Variants in SAG observed in about 807,000 individuals in gnomAD.
SAG encodes the protein S-antigen visual arrestin, also known as S-arrestin.
A neutral mutation model predicts 55.0 loss-of-function variants in SAG; 45 were observed. The observed-to-expected ratio is 0.82, with a 90% CI of 0.64 to 1.05. The LOEUF is 1.05. SAG is among the 50% of genes least tolerant of loss of function. The pLI is 0.00. For missense variants in SAG, 455 were observed against 512.1 expected (o/e 0.89, Z 1.08); for synonymous variants, 189 against 197.4 (o/e 0.96, Z 0.36).
intron 3 of SAG, among the ~76,000 whole-genome samples, chr2:233,317,019 G>A (rs998692075): frequency 6.6e-6 from 1 of 152,104 alleles, no homozygotes; most frequent in Admixed American, 6.6e-5. Context: ...GTGCCACCAC[G>A]CCTGGCTAAT....
At chr2:233,330,588 TG>T (rs1700727764) in intron 9 of SAG, among the ~76,000 whole-genome samples, 1 of 151,248 alleles carries the variant, frequency 6.6e-6, no homozygotes, top group Non-Finnish European at 1.5e-5. Flanking sequence ...TGGAGTGCAG[TG>T]GTGTGATCTC....
At chr2:233,313,480 G>A (rs1700132724) in intron 2 of SAG, among the ~76,000 whole-genome samples, 1 of 151,930 alleles carries the variant, frequency 6.6e-6, no homozygotes, top group Non-Finnish European at 1.5e-5. Flanking sequence ...TACCATTCCT[G>A]CAAGGCAGCC....
At chr2:233,331,859 A>G in intron 10 of SAG, 147 bp downstream of exon 10, 1 of 679,966 alleles carries the variant, frequency 1.5e-6, no homozygotes, top group Non-Finnish European at 2.7e-6. Flanking sequence ...CGAGGGCTGC[A>G]CAGAAAGTTA....
chr2:233,345,035 A>G (rs1055601731), intron 14 of SAG: 1 of 152,150 alleles, frequency 6.6e-6, no homozygotes, highest in African/African-American at 2.4e-5. Context: ...GGGCCCCTGT[A>G]CGTAGCGACC....
chr2:233,338,772 AC>A lies in SAG; in HGVS notation c.1022+22del, dbSNP rs1369778819. On this transcript the variant is annotated intron_variant, in intron 12 of 15. Coordinates refer to ENST00000409110, the MANE Select transcript of SAG (RefSeq NM_000541.5). ...TGTCAGGGTAAGTGTCCCGGCACCA[AC>A]CCTCGGGCTGCTCTGTCCTGGTCTT... is the stretch of plus-strand genomic sequence containing the variant. The A allele has an allele frequency of 1.2e-6, 2 of 1,604,378 alleles. No homozygotes were observed.
intron 2 of SAG, among the ~76,000 whole-genome samples, chr2:233,313,216 C>T (rs544100316): frequency 6.6e-6 from 1 of 152,108 alleles, no homozygotes; most frequent in Non-Finnish European, 1.5e-5. Flanking sequence ...TCCCCTGAAG[C>T]GTGGGTAGGA....
At position 233,340,543 on chromosome 2, in the gene SAG, TC is replaced by T; in HGVS notation, c.1046+67del. 7.6e-7 allele frequency: 1 copy of T among 1,315,802 alleles called. No individual in the cohort carries two copies. Among genetic ancestry groups the T allele is most frequent in the Non-Finnish European group, 1.1e-6 (1 of 922,890 alleles). The allele number at this position is 1,315,802 out of a possible 1,614,324, so 81.5% of individuals were successfully genotyped here. ...ATATCAAAGGCAGCAAACTTGGGGC[TC>T]CAAAACGGTTTCTGATGAAAGCTGC... On this transcript the variant is annotated intron_variant, in intron 13 of 15. Coordinates refer to ENST00000409110, the MANE Select transcript of SAG (RefSeq NM_000541.5). This position sits in a 1 kb window ranked among gnomAD's most constrained non-coding sequence, Gnocchi z 4.2.
intron 9 of SAG, 60 bp downstream of exon 9, chr2:233,329,637 C>G (rs1700684832): frequency 1.7e-6 from 2 of 1,192,468 alleles, no homozygotes; most frequent in African/African-American, 3.0e-5. Flanking sequence ...ATCCTGTTTC[C>G]TGAGAGGTCA....
At chr2:233,330,003 A>G (rs1363742698) in intron 9 of SAG, among the ~76,000 whole-genome samples, 1 of 152,176 alleles carries the variant, frequency 6.6e-6, no homozygotes, top group African/African-American at 2.4e-5. Context: ...AGGAGGTCCC[A>G]CATGGAAGCG....
At chr2:233,310,970 A>G (rs1700063006) in intron 2 of SAG, among the ~76,000 whole-genome samples, 1 of 152,086 alleles carries the variant, frequency 6.6e-6, no homozygotes, top group Non-Finnish European at 1.5e-5. Flanking sequence ...TCGTTCTCCA[A>G]GCCCTTTCCC....
At chr2:233,334,125 C>A (rs926798863) in intron 10 of SAG, 2 of 152,428 alleles carry the variant, frequency 1.3e-5, no homozygotes, top group African/African-American at 4.8e-5. Flanking sequence ...TGTGGGCACA[C>A]TTCCCGTCTG....
chr2:233,338,970 A>T (rs1701020039), intron 12 of SAG: 3 of 660,220 alleles, frequency 4.5e-6, no homozygotes, highest in Non-Finnish European at 8.3e-6. Flanking sequence ...GCAGACTCTG[A>T]AATGTGTGCA....
At chr2:233,324,194 C>T (rs1700475891) in intron 6 of SAG, among the ~76,000 whole-genome samples, 2 of 151,990 alleles carry the variant, frequency 1.3e-5, no homozygotes, top group African/African-American at 4.8e-5. Flanking sequence ...GAGTTCAAGA[C>T]TAGCCCGGGC....
intron 9 of SAG, among the ~76,000 whole-genome samples, chr2:233,331,334 A>G (rs1421562829): frequency 2.0e-5 from 3 of 152,204 alleles, no homozygotes; most frequent in African/African-American, 7.2e-5. Flanking sequence ...GACAATGTTC[A>G]TGAAGTAAGA....
chr2:233,318,997 A>C, intron 4 of SAG: 1 of 713,612 alleles, frequency 1.4e-6, no homozygotes. Flanking sequence ...ACCAGAGCTC[A>C]CTCGCTCAGC....
At chr2:233,329,682 G>T in intron 9 of SAG, 105 bp downstream of exon 9, 2 of 745,180 alleles carry the variant, frequency 2.7e-6, no homozygotes, top group African/African-American at 1.8e-5. Flanking sequence ...CTGGGTCCTT[G>T]GAACTGGCTA....
chr2:233,331,114 C>T (rs1574945257), intron 9 of SAG, among the ~76,000 whole-genome samples: 1 of 152,242 alleles, frequency 6.6e-6, no homozygotes, highest in South Asian at 2.1e-4. Context: ...ATCATCACAA[C>T]GTCCCTATGA....
chr2:233,345,545 A>C (rs1312743435), intron 14 of SAG: 1 of 152,142 alleles, frequency 6.6e-6, no homozygotes, highest in East Asian at 1.9e-4. Flanking sequence ...ACACGGTGAC[A>C]CCCCGTCTCT....
chr2:233,328,526 G>A lies in SAG; in HGVS notation c.561G>A (p.Glu187=). 6.2e-7 allele frequency: 1 copy of A among 1,613,962 alleles called. No homozygotes were observed. The highest frequency in any genetic ancestry group is 8.5e-7 in the Non-Finnish European group (1 of 1,179,846). Residue 187 remains glutamate, a synonymous_variant, in exon 8 of 16, where the codon GAG becomes GAA. Transcript: ENST00000409110. ...LIRKVQHAPL[E]MGPQPRAEAA... ...GCAAAGTACAGCATGCCCCACTTGA[G>A]ATGGGTCCCCAGCCCCGAGCTGAGG...
Sources: gnomAD v4.1 joint callset for allele counts (sites outside exome capture counted in the v4.1 genomes callset) on GRCh38, gnomAD v4.1.1 for gene constraint, Gnocchi (gnomAD v3.1) non-coding constraint, MANE v1.5 for transcripts, NCBI Gene and HGNC (gene_info 2026-07-23, HGNC 2026-07-21) for gene names.